LINGO2: variants seen among roughly 807,000 people sequenced by gnomAD.
The protein encoded by LINGO2 is leucine rich repeat and Ig domain containing 2.
A neutral mutation model predicts 30.6 loss-of-function variants in LINGO2; 14 were observed. That is an observed-to-expected ratio of 0.46 (90% CI 0.30 to 0.72). The LOEUF (loss-of-function observed/expected upper bound fraction) is 0.72. Among genes scored for constraint, LINGO2 ranks in the 30% least tolerant of loss-of-function variants. The probability of loss-of-function intolerance (pLI) is 0.07; values close to 1 mark genes in which losing one functional copy is unlikely to be tolerated. For missense variants in LINGO2, 729 were observed against 751.7 expected (o/e 0.97, Z 0.35); for synonymous variants, 317 against 288.5 (o/e 1.10, Z -1.00).
chr9:29,075,670 G>A, the LINGO2 span, among the ~76,000 whole-genome samples: 1 of 152,126 alleles, frequency 6.6e-6, no homozygotes, highest in East Asian at 1.9e-4. Context: ...TTAAAATCCT[G>A]GTGTTTTAAG....
chr9:28,752,416 G>C, the LINGO2 span, among the ~76,000 whole-genome samples: 1 of 152,030 alleles, frequency 6.6e-6, no homozygotes, highest in Non-Finnish European at 1.5e-5. Flanking sequence ...TGTGCTGTGA[G>C]TAGAGAACAT....
intron 5 of LINGO2, among the ~76,000 whole-genome samples, chr9:27,992,141 C>G (rs1184035119): frequency 2.0e-5 from 3 of 152,062 alleles, no homozygotes; most frequent in Non-Finnish European, 2.9e-5. Flanking sequence ...AACTCACCAT[C>G]AGGTTGATGA....
the LINGO2 span, among the ~76,000 whole-genome samples, chr9:28,814,931 A>T: frequency 6.6e-6 from 1 of 152,212 alleles, no homozygotes; most frequent in African/African-American, 2.4e-5. Context: ...AAGATTCCTG[A>T]ATAGTGCTAA....
At chr9:29,054,479 TG>T in the LINGO2 span, among the ~76,000 whole-genome samples, 111 of 152,308 alleles carry the variant, frequency 7.3e-4, no homozygotes, top group African/African-American at 2.5e-3. Flanking sequence ...CACCAAAAGA[TG>T]GAATTGTTTT....
chr9:28,992,415 T>C, the LINGO2 span, among the ~76,000 whole-genome samples: 3 of 149,084 alleles, frequency 2.0e-5, no homozygotes, highest in African/African-American at 7.5e-5. Context: ...ACAATAATAA[T>C]GGGAGACTTT....
intron 4 of LINGO2, among the ~76,000 whole-genome samples, chr9:28,285,606 C>T (rs577445543): frequency 9.2e-5 from 14 of 151,838 alleles, no homozygotes; most frequent in South Asian, 8.3e-4. Context: ...GGGGTTTCAC[C>T]GTGTTAGCCA....
chr9:29,027,294 C>T, the LINGO2 span, among the ~76,000 whole-genome samples: 1 of 152,046 alleles, frequency 6.6e-6, no homozygotes, highest in African/African-American at 2.4e-5. Context: ...AAATTATAAC[C>T]TTTGAATCTG....
chr9:28,163,659 A>C (rs1011946839), intron 4 of LINGO2, among the ~76,000 whole-genome samples: 2 of 152,154 alleles, frequency 1.3e-5, no homozygotes, highest in African/African-American at 4.8e-5. Flanking sequence ...ATAAGAATAC[A>C]TGGTCAAAGA....
chr9:28,425,380 T>C (rs1186048132), intron 2 of LINGO2, among the ~76,000 whole-genome samples: 5 of 150,934 alleles, frequency 3.3e-5, no homozygotes, highest in African/African-American at 1.2e-4. Context: ...GGCTCAATTA[T>C]CCACACATAA....
At chr9:29,064,786 A>C in the LINGO2 span, among the ~76,000 whole-genome samples, 1 of 152,114 alleles carries the variant, frequency 6.6e-6, no homozygotes, top group African/African-American at 2.4e-5. Context: ...GTGATACTTG[A>C]TTATTATAAG....
At chr9:28,469,014 T>G (rs995893971) in intron 2 of LINGO2, among the ~76,000 whole-genome samples, 1 of 152,086 alleles carries the variant, frequency 6.6e-6, no homozygotes, top group African/African-American at 2.4e-5. Context: ...ATAATTGTCT[T>G]AAATATGCTC....
At chr9:28,885,362 C>T in the LINGO2 span, among the ~76,000 whole-genome samples, 2 of 139,538 alleles carry the variant, frequency 1.4e-5, no homozygotes, top group Non-Finnish European at 3.0e-5. Context: ...TATATATATA[C>T]ACACACACAC....
At chr9:28,739,860 G>C in the LINGO2 span, among the ~76,000 whole-genome samples, 1 of 150,696 alleles carries the variant, frequency 6.6e-6, no homozygotes, top group Non-Finnish European at 1.5e-5. Context: ...AGATATTTGG[G>C]CCTATATATA....
chr9:28,236,699 G>A (rs979341026), intron 4 of LINGO2, among the ~76,000 whole-genome samples: 1 of 152,074 alleles, frequency 6.6e-6, no homozygotes, highest in Non-Finnish European at 1.5e-5. Flanking sequence ...TGAAACCATG[G>A]ACATAATAAA....
chr9:28,370,781 A>G (rs1820864544), intron 3 of LINGO2, among the ~76,000 whole-genome samples: 1 of 152,208 alleles, frequency 6.6e-6, no homozygotes, highest in South Asian at 2.1e-4. Flanking sequence ...GATGGTAAAC[A>G]ATGTGATTGT....
chr9:28,045,364 T>A (rs768006562), intron 4 of LINGO2, among the ~76,000 whole-genome samples: 3 of 152,198 alleles, frequency 2.0e-5, no homozygotes, highest in Non-Finnish European at 2.9e-5. Context: ...ATTAAGCTAT[T>A]ATGAATTGTC....
At chr9:29,106,867 ACACACAAATT>A in the LINGO2 span, among the ~76,000 whole-genome samples, 1 of 152,170 alleles carries the variant, frequency 6.6e-6, no homozygotes, top group African/African-American at 2.4e-5. Flanking sequence ...TGATGGATAC[ACACACAAATT>A]CAGATCTGTT....
intron 5 of LINGO2, among the ~76,000 whole-genome samples, chr9:28,011,921 G>A (rs768154569): frequency 6.6e-6 from 1 of 150,756 alleles, no homozygotes; most frequent in Non-Finnish European, 1.5e-5. Flanking sequence ...GGGAATGTTG[G>A]TCTCAGCTGT....
At chr9:28,368,559 T>C (rs1372431500) in intron 3 of LINGO2, among the ~76,000 whole-genome samples, 4 of 151,614 alleles carry the variant, frequency 2.6e-5, no homozygotes, top group African/African-American at 7.3e-5. Context: ...CCTGTTTTCA[T>C]TAGAGTGCCT....
Sources: allele counts gnomAD v4.1 joint callset (sites outside exome capture counted in the v4.1 genomes callset), GRCh38; gene constraint gnomAD v4.1.1; transcripts MANE v1.5; gene names NCBI Gene and HGNC (gene_info 2026-07-23, HGNC 2026-07-21).